NR2C1: variants seen among roughly 807,000 people sequenced by gnomAD.
NR2C1 encodes nuclear receptor subfamily 2 group C member 1, also known as TR2 nuclear hormone receptor.
A neutral mutation model predicts 74.8 loss-of-function variants in NR2C1; 33 were observed. The observed-to-expected ratio is 0.44, with a 90% CI of 0.33 to 0.59. NR2C1 has a LOEUF of 0.59. Ranked by LOEUF, NR2C1 falls within the 20% of genes least tolerant of loss-of-function variation. NR2C1 has a pLI of 0.02. For missense variants in NR2C1, 568 were observed against 715.6 expected (o/e 0.79, Z 2.35); for synonymous variants, 225 against 240.6 (o/e 0.94, Z 0.60).
At position 95,025,773 on chromosome 12, in the gene NR2C1, C is replaced by T. The variant is rs992337789; in HGVS notation, c.1532-518G>A. ...ACATATTTAAAATTATTTTTTATCT[C>T]GTATACATATGCTAACAACTAATAA... On this transcript the variant is annotated intron_variant, in intron 12 of 13. Transcript: ENST00000333003. Among the ~76,000 whole-genome samples the T allele has an allele frequency of 2.7e-5, 4 of 149,314 alleles. No individual in the cohort carries two copies. The Admixed American group carries it at 2.7e-4, about 10-fold the overall frequency.
chr12:95,028,668 A>T, intron 11 of NR2C1, 144 bp from the exon 12 acceptor site: 1 of 621,048 alleles, frequency 1.6e-6, no homozygotes, highest in Non-Finnish European at 2.8e-6. Context: ...CCTGTCGCCC[A>T]GGTGGCAGTG....
chr12:95,058,674 G>C (rs1187494667), intron 4 of NR2C1, among the ~76,000 whole-genome samples, 185 bp from the exon 5 acceptor site: 2 of 152,186 alleles, frequency 1.3e-5, no homozygotes, highest in African/African-American at 4.8e-5. Context: ...ATCTCGCTCT[G>C]TGGCCCAGGC....
intron 12 of NR2C1, among the ~76,000 whole-genome samples, chr12:95,027,732 T>G (rs546702060): frequency 2.0e-5 from 3 of 150,386 alleles, no homozygotes; most frequent in South Asian, 2.1e-4. Flanking sequence ...TGAGACTCAG[T>G]CTAAAAAAAA....
At chr12:95,032,972 AAAAG>A (rs1461985988) in intron 10 of NR2C1, among the ~76,000 whole-genome samples, 4 of 152,070 alleles carry the variant, frequency 2.6e-5, no homozygotes, top group Non-Finnish European at 4.4e-5. Context: ...TGTCTCAAAA[AAAAG>A]AGAGAGAATT....
At chr12:95,043,130 G>A (rs1871813428) in intron 9 of NR2C1, among the ~76,000 whole-genome samples, 1 of 152,006 alleles carries the variant, frequency 6.6e-6, no homozygotes, top group African/African-American at 2.4e-5. Flanking sequence ...ACATGGTGGT[G>A]TGCACCTATA....
In NR2C1 at chr12:95,021,938, G is replaced by A; in HGVS notation, c.*291C>T. On this transcript the variant is annotated 3_prime_UTR_variant, in exon 14 of 14. Coordinates refer to ENST00000333003, the MANE Select transcript of NR2C1 (RefSeq NM_003297.4). ...TTATTTGTTTTATAAAATAGAATGAGCGCTTAGTTTAGATAATCAAGAGGT... is the reference window on the plus strand; with the variant it reads ...TTATTTGTTTTATAAAATAGAATGAACGCTTAGTTTAGATAATCAAGAGGT... 4.7e-6 allele frequency: 1 copy of A among 210,592 alleles called. No individual in the cohort carries two copies. The highest frequency in any genetic ancestry group is 1.6e-4 in the South Asian group (1 of 6,080). 13.0% of individuals were successfully genotyped at this position (210,592 alleles called of 1,614,324 possible).
intron 1 of NR2C1, among the ~76,000 whole-genome samples, chr12:95,071,149 C>T (rs1281909221): frequency 6.7e-6 from 1 of 150,296 alleles, no homozygotes; most frequent in African/African-American, 2.5e-5. Flanking sequence ...TGCAGTGAGC[C>T]GAGATCGTGC....
rs369087005 is a variant in NR2C1, at chr12:95,054,286, T to G, written c.784-2343A>C. 6.0e-5 allele frequency among the ~76,000 whole-genome samples: 9 copies of G among 151,220 alleles called. No individual in the cohort carries two copies. The East Asian group carries it at 1.5e-3, about 26-fold the overall frequency. On this transcript the variant is annotated intron_variant, in intron 7 of 13. Coordinates refer to ENST00000333003, the MANE Select transcript of NR2C1 (RefSeq NM_003297.4). ...AATAGTAGAGGTGGGACTGGCTGAC[T>G]GCCAAAGTCTATGCTTTTTTTTTTT...
intron 10 of NR2C1, among the ~76,000 whole-genome samples, chr12:95,035,853 C>G (rs1357909157): frequency 1.3e-5 from 2 of 152,222 alleles, no homozygotes; most frequent in African/African-American, 2.4e-5. Flanking sequence ...TACTTTGCAG[C>G]AGGCAATGGC....
chr12:95,050,586 G>A (rs1872850028), intron 8 of NR2C1, among the ~76,000 whole-genome samples: 1 of 151,930 alleles, frequency 6.6e-6, no homozygotes, highest in Admixed American at 6.6e-5. Context: ...TAGGATTACA[G>A]GCATACGCCA....
intron 4 of NR2C1, among the ~76,000 whole-genome samples, chr12:95,059,342 A>G (rs923540343): frequency 5.9e-5 from 9 of 152,082 alleles, no homozygotes; most frequent in African/African-American, 1.9e-4. Flanking sequence ...TCACTTTCAA[A>G]AGTGAAATAT....
chr12:95,053,393 C>T (rs902651744), intron 7 of NR2C1, among the ~76,000 whole-genome samples: 4 of 151,988 alleles, frequency 2.6e-5, no homozygotes, highest in South Asian at 2.1e-4. Context: ...ATAATTTGTA[C>T]GGGAAAGGCA....
chr12:95,064,232 G>A (rs1405233149), intron 2 of NR2C1, among the ~76,000 whole-genome samples: 1 of 151,320 alleles, frequency 6.6e-6, no homozygotes, highest in African/African-American at 2.4e-5. Context: ...GGGAGGCTGA[G>A]GCAGGAGAAT....
chr12:95,028,087 T>A (rs1869594401), intron 12 of NR2C1: 1 of 207,656 alleles, frequency 4.8e-6, no homozygotes, highest in African/African-American at 2.3e-5. Flanking sequence ...ATTAAATTTA[T>A]TTCTTCATCT....
At chr12:95,036,567 G>A (rs1341059278) in intron 10 of NR2C1, among the ~76,000 whole-genome samples, 1 of 149,836 alleles carries the variant, frequency 6.7e-6, no homozygotes, top group African/African-American at 2.5e-5. Context: ...CTGGAGTACA[G>A]TGGCATGATC....
chr12:95,073,232 G>A (rs535358979), intron 1 of NR2C1, 148 bp downstream of exon 1: 1 of 152,298 alleles, frequency 6.6e-6, no homozygotes, highest in Non-Finnish European at 1.5e-5. Flanking sequence ...AGCCCCAAGC[G>A]GCGCTCCCAA....
At chr12:95,042,944 A>C (rs1272208939) in intron 9 of NR2C1, among the ~76,000 whole-genome samples, 4 of 151,350 alleles carry the variant, frequency 2.6e-5, no homozygotes, top group African/African-American at 9.7e-5. Flanking sequence ...AAAAAAAAAA[A>C]AAAAAAACCG....
chr12:95,068,270 G>A (rs749908279), intron 1 of NR2C1, among the ~76,000 whole-genome samples: 3 of 152,030 alleles, frequency 2.0e-5, no homozygotes, highest in Non-Finnish European at 2.9e-5. Context: ...TTTGGATTAC[G>A]GTACACTCTA....
chr12:95,034,921 G>A (rs564069735), intron 10 of NR2C1, among the ~76,000 whole-genome samples: 6 of 151,974 alleles, frequency 3.9e-5, no homozygotes, highest in Non-Finnish European at 8.8e-5. Context: ...TCATTAAATG[G>A]GCAACACATG....
Sources: gnomAD v4.1 joint callset for allele counts (sites outside exome capture counted in the v4.1 genomes callset) on GRCh38, gnomAD v4.1.1 for gene constraint, MANE v1.5 for transcripts, NCBI Gene and HGNC (gene_info 2026-07-23, HGNC 2026-07-21) for gene names.